The following USP7 variants were observed in gnomAD, a reference collection of about 807,000 sequenced individuals.
USP7 encodes the protein ubiquitin specific peptidase 7.
In USP7, 9 loss-of-function variants were observed where a neutral mutation model predicts 162.9. That is an observed-to-expected ratio of 0.06 (90% CI 0.03 to 0.10). USP7 has a LOEUF of 0.10. USP7 is among the 10% of genes least tolerant of loss of function. The pLI is 1.00. For synonymous variants in USP7, 562 were observed against 475.9 expected (o/e 1.18, Z -2.35); for missense variants, 715 against 1,373.7 (o/e 0.52, Z 7.58).
Position 8,903,280 on chromosome 16 carries a change from G to A in USP7, c.1827C>T (p.Leu609=). Residue 609 remains leucine (L), a synonymous_variant, in exon 16 of 31, where the codon CTC becomes CTT. Coordinates refer to ENST00000344836, the MANE Select transcript of USP7 (RefSeq NM_003470.3). ...GACCGGTACGCACCATGGTCTGAGA[G>A]AGGCTCTGAACAAACTCAGCAAGCG... ...NSSLAEFVQS[L]SQTMGFPQDQ... is the part of the protein sequence containing the mutation. 6.2e-7 allele frequency: 1 copy of A among 1,613,828 alleles called. No individual in the cohort carries two copies. Among genetic ancestry groups the A allele is most frequent in the Non-Finnish European group, 8.5e-7 (1 of 1,179,896 alleles).
intron 1 of USP7, chr16:8,936,871 T>C (rs1898767512): frequency 4.5e-6 from 3 of 665,602 alleles, no homozygotes; most frequent in South Asian, 7.1e-5. Context: ...GTTAACAACA[T>C]ACCAATGCCA....
In USP7 at chr16:8,894,051, G is replaced by C; in HGVS notation, c.3256C>G (p.Pro1086Ala). The change falls in exon 31 of 31, where the codon CCA (proline) becomes GCA (alanine). Residue 1086 changes from proline (P) to alanine (A), a missense_variant. Pro to Ala is a conservative substitution (Grantham distance 27). Around this residue, in one of 11 missense-constraint regions of USP7, gnomAD observed 222 missense variants for 441.7 expected, o/e 0.50. Coordinates refer to ENST00000344836, the MANE Select transcript of USP7 (RefSeq NM_003470.3). ...AGGTAAGTGTAGCGACTCCTCTTTG[G>C]GGCTTTGTTGAAGTGGTCGAGCCCT... is the stretch of plus-strand genomic sequence containing the variant. ...WLGLDHFNKA[P>A]KRSRYTYLEK... 6.2e-7 allele frequency: 1 copy of C among 1,614,160 alleles called. No homozygotes were observed. Among genetic ancestry groups the C allele is most frequent in the Non-Finnish European group, 8.5e-7 (1 of 1,180,030 alleles).
intron 11 of USP7, 28 bp downstream of exon 11, chr16:8,910,717 G>C: frequency 6.3e-7 from 1 of 1,596,022 alleles, no homozygotes; most frequent in Non-Finnish European, 8.6e-7. Flanking sequence ...CGCTACAACA[G>C]GACACTAGCA....
In USP7 at chr16:8,948,963, A is replaced by AG. The variant is rs1367288420; in HGVS notation, c.79+14243dup. On this transcript the variant is annotated intron_variant, in intron 1 of 30. Transcript: ENST00000344836. ...TGGGTGACAAGATCTTGTCTCCCAAAGGGGAAAAAAAAAAGCTTACACAGT... is the reference window on the plus strand; with the variant it reads ...TGGGTGACAAGATCTTGTCTCCCAAAGGGGGAAAAAAAAAAGCTTACACAGT... 9.2e-5 allele frequency among the ~76,000 whole-genome samples: 14 copies of AG among 152,022 alleles called. No homozygotes were observed. The East Asian group carries it at 2.7e-3, about 29-fold the overall frequency.
Position 8,895,112 on chromosome 16 carries a change from A to G in USP7, c.2958T>C (p.Asn986=). The change falls in exon 28 of 31, where the codon AAT becomes AAC. Residue 986 remains asparagine (N), a synonymous_variant. Transcript: ENST00000344836. ...PLDQVDIDKE[N]EMLVTVAHFH... ...AATGCGCCACTGTGACAAGCATCTC[A>G]TTCTCTTTGTCTATGTCCACCTGGT... 1.2e-6 allele frequency: 2 copies of G among 1,614,086 alleles called. No individual in the cohort carries two copies. Among genetic ancestry groups the G allele is most frequent in the Non-Finnish European group, 1.7e-6 (2 of 1,179,910 alleles).
chr16:8,901,026 T>C lies in USP7; in HGVS notation c.2172A>G (p.Ala724=), dbSNP rs776690065. The C allele has an allele frequency of 5.0e-6, 8 of 1,614,050 alleles. No individual in the cohort carries two copies. The African/African-American group carries it at 9.3e-5, about 19-fold the overall frequency. ...RDLLPVMCDR[A]GFIQDTSLIL... is the part of the protein sequence containing the mutation. ...TAAGGCTAGTATCTTGAATAAATCC[T>C]GCTCTGTCACACATAACTGGGAGCA... Residue 724 remains alanine (A), a synonymous_variant, in exon 20 of 31, where the codon GCA becomes GCG. Transcript: ENST00000344836.
chr16:8,921,410 C>G, intron 3 of USP7, 115 bp from the exon 4 acceptor site: 2 of 1,223,700 alleles, frequency 1.6e-6, no homozygotes, highest in Non-Finnish European at 2.2e-6. Flanking sequence ...ATTGCTCTCT[C>G]CTTTCGGGTT....
At chr16:8,942,891 C>T (rs1288688635) in intron 1 of USP7, among the ~76,000 whole-genome samples, 2 of 152,176 alleles carry the variant, frequency 1.3e-5, no homozygotes, top group African/African-American at 4.8e-5. Flanking sequence ...CATATGCACC[C>T]TCATTAGGCT....
chr16:8,933,253 A>G (rs1414830908), intron 1 of USP7, among the ~76,000 whole-genome samples: 1 of 152,120 alleles, frequency 6.6e-6, no homozygotes, highest in African/African-American at 2.4e-5. Context: ...TAGAATGTTA[A>G]AAAAATTTAG....
chr16:8,899,576 G>A (rs371676359), intron 22 of USP7, 28 bp downstream of exon 22: 60 of 1,609,698 alleles, frequency 3.7e-5, no homozygotes, highest in Admixed American at 6.7e-5. Context: ...AGTGGGATCT[G>A]AAGAGGAAAG....
chr16:8,904,704 A>C, intron 14 of USP7, 139 bp from the exon 15 acceptor site: 1 of 1,297,802 alleles, frequency 7.7e-7, no homozygotes, highest in African/African-American at 1.5e-5. Flanking sequence ...GCACTTTGGG[A>C]GGCTGAGGCG....
intron 1 of USP7, among the ~76,000 whole-genome samples, chr16:8,940,108 A>AT (rs1898966741): frequency 6.6e-6 from 1 of 152,054 alleles, no homozygotes; most frequent in Non-Finnish European, 1.5e-5. Context: ...CAAAAAAAAA[A>AT]GGCTGTTTCC....
intron 2 of USP7, 25 bp from the exon 3 acceptor site, chr16:8,923,438 C>A: frequency 6.2e-7 from 1 of 1,612,414 alleles, no homozygotes; most frequent in Non-Finnish European, 8.5e-7. Flanking sequence ...CATCATCAGT[C>A]ACAGAGCCTG....
rs909141965 is a variant in USP7 at position 8,892,207 on chromosome 16, CA to C, written c.*1790del. On this transcript the variant is annotated 3_prime_UTR_variant, in exon 31 of 31. Transcript: ENST00000344836. Reference sequence around the variant, plus strand: ...AAAACAAGACACCTTAATGTTTGTTCAAAGACAAACCCACAGCGAACGGCTC... The same window carrying C: ...AAAACAAGACACCTTAATGTTTGTTCAAGACAAACCCACAGCGAACGGCTC... 6.6e-6 allele frequency: 1 copy of C among 152,244 alleles called. No homozygotes were observed. Among genetic ancestry groups the C allele is most frequent in the African/African-American group, 2.4e-5 (1 of 41,438 alleles). The allele number at this position is 152,244 out of a possible 1,614,324, so 9.4% of individuals were successfully genotyped here. A position where few individuals can be genotyped will look rare whatever the true frequency, so the allele number is the denominator to read the frequency against.
chr16:8,901,447 C>G (rs1362461059), intron 18 of USP7, among the ~76,000 whole-genome samples: 5 of 152,152 alleles, frequency 3.3e-5, no homozygotes, highest in Non-Finnish European at 5.9e-5. Context: ...TTCCAAACAT[C>G]AGACCCATGG....
chr16:8,901,549 C>T (rs540575443), intron 18 of USP7, among the ~76,000 whole-genome samples: 1 of 152,276 alleles, frequency 6.6e-6, no homozygotes, highest in East Asian at 1.9e-4. Flanking sequence ...GCTGGAAGAG[C>T]GTTGCCACGG....
At chr16:8,951,882 T>A (rs1303972952) in intron 1 of USP7, among the ~76,000 whole-genome samples, 1 of 152,236 alleles carries the variant, frequency 6.6e-6, no homozygotes, top group East Asian at 1.9e-4. Flanking sequence ...CATCTCTTTT[T>A]ATGCCACCAA....
chr16:8,931,145 C>A (rs966973558), intron 1 of USP7, among the ~76,000 whole-genome samples: 1 of 151,614 alleles, frequency 6.6e-6, no homozygotes, highest in African/African-American at 2.4e-5. Flanking sequence ...AAATGGTATA[C>A]ATTAAAACAA....
At chr16:8,933,980 C>G (rs1567235360) in intron 1 of USP7, among the ~76,000 whole-genome samples, 1 of 152,090 alleles carries the variant, frequency 6.6e-6, no homozygotes, top group Non-Finnish European at 1.5e-5. Flanking sequence ...TGGTCTCAAA[C>G]TCATGACCTC....
Sources: gnomAD v4.1 joint callset for allele counts (sites outside exome capture counted in the v4.1 genomes callset) on GRCh38, gnomAD v4.1.1 for gene constraint, gnomAD v4.1.1 regional missense constraint, MANE v1.5 for transcripts, NCBI Gene and HGNC (gene_info 2026-07-23, HGNC 2026-07-21) for gene names.